The following GABRB3 variants were observed in gnomAD, a reference collection of about 807,000 sequenced individuals.
GABRB3 encodes gamma-aminobutyric acid type A receptor subunit beta3, also known as gamma-aminobutyric acid receptor subunit beta-3.
In GABRB3, 14 loss-of-function variants were observed where a neutral mutation model predicts 52.1. The observed-to-expected ratio is 0.27, with a 90% CI of 0.18 to 0.42. The LOEUF is 0.42. Ranked by LOEUF, GABRB3 falls within the 10% of genes least tolerant of loss-of-function variation. The pLI is 1.00. For synonymous variants in GABRB3, 260 were observed against 232.3 expected (o/e 1.12, Z -1.08); for missense variants, 307 against 609.1 (o/e 0.50, Z 5.22).
rs1375963642 is a variant in GABRB3 at position 26,772,368 on chromosome 15, G to A, written c.240+34C>T. On this transcript the variant is annotated intron_variant, in intron 3 of 8. Transcript: ENST00000311550. The stretch of plus-strand genomic sequence containing the variant: ...TGTGATCCCAGACAGCGGGCCGGGG[G>A]CTCAGGGACCGCCCTGGGAGGGCGG... 22 of 1,575,376 alleles carry A rather than the reference G, an allele frequency of 1.4e-5. No homozygotes were observed. The South Asian group carries it at 1.6e-4, about 11-fold the overall frequency.
chr15:26,642,956 T>G (rs2140575605), intron 3 of GABRB3, among the ~76,000 whole-genome samples: 1 of 152,174 alleles, frequency 6.6e-6, no homozygotes, highest in Admixed American at 6.5e-5. Context: ...CCTCGGGGCT[T>G]CCCTGCTACT....
intron 4 of GABRB3, among the ~76,000 whole-genome samples, chr15:26,602,997 A>C (rs1464129825): frequency 6.6e-6 from 1 of 152,092 alleles, no homozygotes; most frequent in Admixed American, 6.5e-5. Flanking sequence ...AAGAGAAACA[A>C]AATTGACAAA....
rs1389345617 is a variant in GABRB3 at position 26,544,751 on chromosome 15, C to T, written c.*3042G>A. On this transcript the variant is annotated 3_prime_UTR_variant, in exon 9 of 9. Coordinates refer to ENST00000311550, the MANE Select transcript of GABRB3 (RefSeq NM_000814.6). ...AAGATTCTTCTGTAGATCTTGAGCCCCTGTGGCGCATTTTGGAAAGACAGG... is the reference window on the plus strand; with the variant it reads ...AAGATTCTTCTGTAGATCTTGAGCCTCTGTGGCGCATTTTGGAAAGACAGG... 1 of 152,274 alleles carries T rather than the reference C, an allele frequency of 6.6e-6. No homozygotes were observed. Among genetic ancestry groups the T allele is most frequent in the Non-Finnish European group, 1.5e-5 (1 of 68,008 alleles). 9.4% of individuals were successfully genotyped at this position (152,274 alleles called of 1,614,324 possible).
chr15:26,772,230 G>A (rs965230731), intron 3 of GABRB3, 172 bp downstream of exon 3: 3 of 538,308 alleles, frequency 5.6e-6, no homozygotes, highest in Non-Finnish European at 9.5e-6. Context: ...GCCCGGGGCG[G>A]GTGCAGGGAG....
chr15:26,567,011 G>C (rs1344046055), intron 7 of GABRB3, among the ~76,000 whole-genome samples: 1 of 152,102 alleles, frequency 6.6e-6, no homozygotes, highest in East Asian at 1.9e-4. Context: ...GAAAATATAA[G>C]CCTTCCCTTA....
intron 8 of GABRB3, chr15:26,550,070 C>A (rs141223078): frequency 8.3e-4 from 127 of 152,272 alleles, no homozygotes; most frequent in African/African-American, 2.8e-3. Context: ...AGGGCACATA[C>A]CCTAAGATAG....
chr15:26,645,581 G>A (rs1179891161), intron 3 of GABRB3, among the ~76,000 whole-genome samples: 3 of 152,132 alleles, frequency 2.0e-5, no homozygotes, highest in South Asian at 2.1e-4. Flanking sequence ...CAGAAAGCTG[G>A]AAGTTGAAAT....
At chr15:26,623,219 T>G (rs1892555082) in intron 3 of GABRB3, among the ~76,000 whole-genome samples, 1 of 152,158 alleles carries the variant, frequency 6.6e-6, no homozygotes, top group East Asian at 1.9e-4. Flanking sequence ...GCTGGAATGC[T>G]GGGTTTATGG....
intron 3 of GABRB3, among the ~76,000 whole-genome samples, chr15:26,742,167 T>G (rs146681010): frequency 6.6e-6 from 1 of 152,182 alleles, no homozygotes. Flanking sequence ...AGCATATCAT[T>G]GATACTGACT....
chr15:26,676,242 T>C (rs1415968626), intron 3 of GABRB3, among the ~76,000 whole-genome samples: 1 of 152,244 alleles, frequency 6.6e-6, no homozygotes. Flanking sequence ...GACTAGCACT[T>C]GATTAAGTTA....
At chr15:26,772,304 C>A in intron 3 of GABRB3, 98 bp downstream of exon 3, 7 of 1,099,342 alleles carry the variant, frequency 6.4e-6, no homozygotes, top group Non-Finnish European at 7.9e-6. Flanking sequence ...GAAACTCGGC[C>A]CCGGCCGAAG....
At chr15:26,663,746 C>A (rs1318728644) in intron 3 of GABRB3, among the ~76,000 whole-genome samples, 2 of 152,074 alleles carry the variant, frequency 1.3e-5, no homozygotes, top group African/African-American at 4.8e-5. Flanking sequence ...AAGGCTAAAG[C>A]CTGCCAATTT....
intron 3 of GABRB3, among the ~76,000 whole-genome samples, chr15:26,628,319 G>A (rs987452412): frequency 6.6e-6 from 1 of 152,236 alleles, no homozygotes; most frequent in African/African-American, 2.4e-5. Context: ...TTTATTGAGT[G>A]CTTACCGCCT....
In GABRB3 at chr15:26,545,126, G is replaced by A. The variant is rs867078188; in HGVS notation, c.*2667C>T. The A allele has an allele frequency of 4.6e-5, 7 of 152,606 alleles. No homozygotes were observed. Among genetic ancestry groups the A allele is most frequent in the South Asian group, 2.1e-4 (1 of 4,822 alleles). The allele number at this position is 152,606 out of a possible 1,614,324, so 9.5% of individuals were successfully genotyped here. On this transcript the variant is annotated 3_prime_UTR_variant, in exon 9 of 9. Coordinates refer to ENST00000311550, the MANE Select transcript of GABRB3 (RefSeq NM_000814.6). Reference sequence around the variant, plus strand: ...AAAAGTAATTTTCTTCTGAAATGGAGTAAAGCAAACACATACCCAAGGATC... The same window carrying A: ...AAAAGTAATTTTCTTCTGAAATGGAATAAAGCAAACACATACCCAAGGATC...
chr15:26,609,919 G>T (rs1349417399), intron 4 of GABRB3, among the ~76,000 whole-genome samples: 1 of 152,142 alleles, frequency 6.6e-6, no homozygotes, highest in African/African-American at 2.4e-5. Context: ...AGTAACCATA[G>T]AAATTGACCC....
chr15:26,614,147 TC>T (rs1892174095), intron 4 of GABRB3: 1 of 152,078 alleles, frequency 6.6e-6, no homozygotes, highest in Non-Finnish European at 1.5e-5. Flanking sequence ...GCCAAGCTGC[TC>T]CCCATTTTGA....
intron 3 of GABRB3, among the ~76,000 whole-genome samples, chr15:26,759,025 A>G (rs1295967598): frequency 6.6e-6 from 1 of 152,120 alleles, no homozygotes; most frequent in Non-Finnish European, 1.5e-5. Flanking sequence ...ATTTGGATCT[A>G]TATAATCCTA....
intron 4 of GABRB3, among the ~76,000 whole-genome samples, chr15:26,595,756 T>A (rs1891374729): frequency 6.6e-6 from 1 of 152,152 alleles, no homozygotes; most frequent in African/African-American, 2.4e-5. Context: ...ACTGTTACCA[T>A]AAATCTTGAC....
intron 4 of GABRB3, 56 bp from the exon 5 acceptor site, chr15:26,583,470 G>A: frequency 1.4e-6 from 2 of 1,424,880 alleles, no homozygotes; most frequent in Admixed American, 1.7e-5. Context: ...ATGTATCAGG[G>A]AGACTCCTCT....
Sources: gnomAD v4.1 joint callset for allele counts (sites outside exome capture counted in the v4.1 genomes callset) on GRCh38, gnomAD v4.1.1 for gene constraint, MANE v1.5 for transcripts, NCBI Gene and HGNC (gene_info 2026-07-23, HGNC 2026-07-21) for gene names.